TTC28: variants seen among roughly 807,000 people sequenced by gnomAD.
The protein encoded by TTC28 is tetratricopeptide repeat protein 28.
Under a neutral mutation model 198.0 loss-of-function variants are expected in TTC28, and 61 were observed. The ratio of observed to expected loss-of-function variants is 0.31; its 90% CI spans 0.25 to 0.38. The LOEUF (loss-of-function observed/expected upper bound fraction) is 0.38, where lower values mean the gene tolerates loss of function less well. Ranked by LOEUF, TTC28 falls within the 10% of genes least tolerant of loss-of-function variation. TTC28 has a pLI of 1.00. For missense variants in TTC28, 2,678 were observed against 3,164.0 expected (o/e 0.85, Z 3.69); for synonymous variants, 1,171 against 1,297.8 (o/e 0.90, Z 2.10).
intron 2 of TTC28, among the ~76,000 whole-genome samples, chr22:28,531,664 G>T (rs2049142881): frequency 6.6e-6 from 1 of 152,142 alleles, no homozygotes; most frequent in African/African-American, 2.4e-5. Context: ...TGGAAGTAAA[G>T]CACTCCCCAG....
intron 2 of TTC28, among the ~76,000 whole-genome samples, chr22:28,545,114 C>G (rs997041780): frequency 6.6e-6 from 1 of 152,126 alleles, no homozygotes; most frequent in Non-Finnish European, 1.5e-5. Flanking sequence ...TGGATGGGGA[C>G]CCCTTTCCAG....
chr22:28,084,922 C>T (rs1222003265), intron 12 of TTC28, among the ~76,000 whole-genome samples: 4 of 151,070 alleles, frequency 2.6e-5, no homozygotes, highest in Middle Eastern at 3.2e-3. Context: ...TGATGGAAGA[C>T]GAAATGAATC....
At chr22:27,998,325 G>A (rs1937587210) in intron 16 of TTC28, 1 of 766,316 alleles carries the variant, frequency 1.3e-6, no homozygotes, top group Non-Finnish European at 2.0e-6. Flanking sequence ...CATGGCAAAT[G>A]GTTCTGTTGC....
chr22:28,173,988 A>G (rs1922924877), intron 5 of TTC28, among the ~76,000 whole-genome samples: 1 of 152,222 alleles, frequency 6.6e-6, no homozygotes, highest in African/African-American at 2.4e-5. Context: ...TGCGGCTAGT[A>G]CCAGAAATAT....
At chr22:28,028,987 CTAGTT>C (rs1242306685) in intron 13 of TTC28, 2 of 471,142 alleles carry the variant, frequency 4.2e-6, no homozygotes, top group South Asian at 1.5e-5. Context: ...TCTTCACACT[CTAGTT>C]TATCACCACA....
intron 2 of TTC28, among the ~76,000 whole-genome samples, chr22:28,399,785 T>A (rs1476015741): frequency 3.3e-5 from 5 of 152,114 alleles, no homozygotes; most frequent in African/African-American, 1.2e-4. Flanking sequence ...AAGCACTCCA[T>A]CCCTTGCCTT....
At chr22:28,470,852 C>T (rs990459221) in intron 2 of TTC28, among the ~76,000 whole-genome samples, 3 of 152,010 alleles carry the variant, frequency 2.0e-5, no homozygotes, top group African/African-American at 7.3e-5. Context: ...GAAGTGAGTA[C>T]TAAGAGAAGG....
At chr22:28,641,872 A>G (rs1022982549) in intron 1 of TTC28, among the ~76,000 whole-genome samples, 4 of 152,230 alleles carry the variant, frequency 2.6e-5, no homozygotes, top group African/African-American at 4.8e-5. Flanking sequence ...TTAAAAATTT[A>G]TAACACAAAA....
chr22:28,545,895 A>G (rs763277072), intron 2 of TTC28, among the ~76,000 whole-genome samples: 1 of 152,228 alleles, frequency 6.6e-6, no homozygotes, highest in African/African-American at 2.4e-5. Flanking sequence ...TAAGATGTCA[A>G]TTCTACACAA....
At chr22:28,114,284 A>G (rs1352090843) in intron 6 of TTC28, among the ~76,000 whole-genome samples, 1 of 152,244 alleles carries the variant, frequency 6.6e-6, no homozygotes, top group African/African-American at 2.4e-5. Context: ...CATAGGACCC[A>G]TAATTCTAAC....
intron 2 of TTC28, among the ~76,000 whole-genome samples, chr22:28,412,355 G>A (rs1046140648): frequency 1.3e-5 from 2 of 152,090 alleles, no homozygotes; most frequent in Non-Finnish European, 2.9e-5. Flanking sequence ...ACTATGTGGC[G>A]GGGGGCGGGG....
chr22:28,155,804 G>A (rs73166800), intron 6 of TTC28, among the ~76,000 whole-genome samples: 5,156 of 152,246 alleles, frequency 0.034, 122 homozygotes, highest in Middle Eastern at 0.065. Context: ...CATTTAGGGT[G>A]AGGACTCTAC....
rs527451109 is a variant in TTC28, at chr22:28,649,196, T to C, written c.103-19366A>G. On this transcript the variant is annotated intron_variant, in intron 1 of 22. Coordinates refer to ENST00000397906, the MANE Select transcript of TTC28 (RefSeq NM_001145418.2). ...GACATATAGAGTGGTATAAAAGACA[T>C]TGGAGACTCAGGAGGTAGGAGGTGG... Among the ~76,000 whole-genome samples the C allele has an allele frequency of 3.6e-4, 54 of 152,038 alleles. No homozygotes were observed. The South Asian group carries it at 4.4e-3, about 12-fold the overall frequency.
chr22:28,212,251 A>G (rs112635568), intron 5 of TTC28, among the ~76,000 whole-genome samples: 2 of 151,986 alleles, frequency 1.3e-5, no homozygotes, highest in African/African-American at 2.4e-5. Context: ...TCAAAAGCTA[A>G]CAGAAGGCAA....
intron 2 of TTC28, among the ~76,000 whole-genome samples, chr22:28,526,825 C>T (rs1182989693): frequency 1.3e-5 from 2 of 151,930 alleles, no homozygotes; most frequent in Non-Finnish European, 1.5e-5. Context: ...GGTACCACCT[C>T]GGCTCACTGC....
At chr22:28,643,046 T>C (rs1294579683) in intron 1 of TTC28, 1 of 152,200 alleles carries the variant, frequency 6.6e-6, no homozygotes, top group Non-Finnish European at 1.5e-5. Flanking sequence ...GATCCCACTA[T>C]TGATCAGCAG....
chr22:28,193,195 A>G (rs905204080), intron 5 of TTC28, among the ~76,000 whole-genome samples: 2 of 152,202 alleles, frequency 1.3e-5, no homozygotes, highest in African/African-American at 4.8e-5. Context: ...AAGCTTCATT[A>G]AGTGAAGGAG....
intron 2 of TTC28, among the ~76,000 whole-genome samples, chr22:28,541,112 T>C (rs2049401511): frequency 6.6e-6 from 1 of 152,218 alleles, no homozygotes; most frequent in Non-Finnish European, 1.5e-5. Context: ...CAGTGGTGGC[T>C]TCCACTTTTG....
At chr22:28,447,381 G>A (rs1046361699) in intron 2 of TTC28, among the ~76,000 whole-genome samples, 4 of 152,186 alleles carry the variant, frequency 2.6e-5, no homozygotes, top group Non-Finnish European at 5.9e-5. Flanking sequence ...AAATTTTCAT[G>A]AGAAGCTAAA....
Sources: allele counts gnomAD v4.1 joint callset (sites outside exome capture counted in the v4.1 genomes callset), GRCh38; gene constraint gnomAD v4.1.1; transcripts MANE v1.5; gene names NCBI Gene and HGNC (gene_info 2026-07-23, HGNC 2026-07-21).